The following POLE variants were observed in gnomAD, a reference collection of about 807,000 sequenced individuals.
The protein encoded by POLE is DNA polymerase epsilon catalytic subunit A.
POLE carries 188 observed loss-of-function variants against 279.2 expected under a neutral mutation model. The observed-to-expected ratio is 0.67, with a 90% CI of 0.60 to 0.76. The LOEUF (loss-of-function observed/expected upper bound fraction) is 0.76, where lower values mean the gene tolerates loss of function less well. Among genes scored for constraint, POLE ranks in the 30% least tolerant of loss-of-function variants. The pLI, the probability that POLE is intolerant of heterozygous loss-of-function variation, is 0.00. For synonymous variants in POLE, 1,214 were observed against 1,172.5 expected (o/e 1.04, Z -0.72); for missense variants, 2,703 against 3,016.7 (o/e 0.90, Z 2.44).
At chr12:132,649,196 A>G (rs2042358237) in intron 31 of POLE, 110 bp downstream of exon 31, 6 of 1,488,150 alleles carry the variant, frequency 4.0e-6, no homozygotes, top group Non-Finnish European at 5.5e-6. Flanking sequence ...TGGGCAGGAA[A>G]CTCCAGGCCC....
chr12:132,644,011 G>A (rs533295188), intron 32 of POLE, 34 bp from the exon 33 acceptor site: 1 of 1,602,590 alleles, frequency 6.2e-7, no homozygotes. Flanking sequence ...TCGTCACTGG[G>A]CGTAAGTGGT....
chr12:132,663,080 ACACAGT>A (rs1259516970), intron 23 of POLE, among the ~76,000 whole-genome samples: 4 of 152,220 alleles, frequency 2.6e-5, no homozygotes, highest in Non-Finnish European at 5.9e-5. Context: ...AGCAACGCTA[ACACAGT>A]GGGCAGAAGC....
chr12:132,665,573 T>A, intron 20 of POLE, 123 bp from the exon 21 acceptor site: 1 of 1,095,258 alleles, frequency 9.1e-7, no homozygotes, highest in Non-Finnish European at 1.3e-6. Flanking sequence ...AAAAAACCAG[T>A]ACAATGAAGA....
chr12:132,644,188 G>GTA (rs1475921948), intron 32 of POLE, among the ~76,000 whole-genome samples: 1 of 152,178 alleles, frequency 6.6e-6, no homozygotes, highest in Non-Finnish European at 1.5e-5. Flanking sequence ...TACAGACAGG[G>GTA]TCTTAGTCTG....
In POLE at chr12:132,632,499, G is replaced by C. The variant is rs1315503524; in HGVS notation, c.6146C>G (p.Thr2049Ser). Reference sequence around the variant, plus strand: ...ATTTGCGACATAATCCTGAGAGAAGGTGATCATTCCTGGAAGTATAAGGAT... The same window carrying C: ...ATTTGCGACATAATCCTGAGAGAAGCTGATCATTCCTGGAAGTATAAGGAT... ...GAVGALPGMI[T>S]FSQDYVANEL... The change falls in exon 45 of 49, where the codon ACC becomes AGC. Residue 2049 changes from threonine to serine, a missense_variant. By Grantham distance (58) the Thr-to-Ser change is moderately conservative (BLOSUM62 1). Coordinates refer to ENST00000320574, the MANE Select transcript of POLE (RefSeq NM_006231.4). 6.2e-7 allele frequency: 1 copy of C among 1,614,034 alleles called. No individual in the cohort carries two copies. Among genetic ancestry groups the C allele is most frequent in the Non-Finnish European group, 8.5e-7 (1 of 1,179,904 alleles).
intron 26 of POLE, 91 bp downstream of exon 26, chr12:132,659,204 G>T: frequency 1.5e-6 from 2 of 1,344,212 alleles, no homozygotes; most frequent in South Asian, 1.3e-5. Flanking sequence ...TCTGTGATGA[G>T]GGGAGCCCTC....
chr12:132,628,562 G>A (rs1199838299), intron 45 of POLE, among the ~76,000 whole-genome samples: 1 of 152,100 alleles, frequency 6.6e-6, no homozygotes, highest in East Asian at 1.9e-4. Flanking sequence ...AAAATCACTT[G>A]AACCCAGGAG....
Position 132,642,839 on chromosome 12 carries a change from C to A in POLE, c.4709G>T (p.Arg1570Leu), listed in dbSNP as rs1593731992. The A allele has an allele frequency of 6.2e-7, 1 of 1,614,046 alleles. No individual in the cohort carries two copies. Among genetic ancestry groups the A allele is most frequent in the Non-Finnish European group, 8.5e-7 (1 of 1,179,986 alleles). ...DLKTICRAIQ[R>L]FLLAYKEERR... ...TCTCACCTTGTAGGCGAGCAGGAATCGCTGGATGGCTCTGCAGATGGTCTT... is the reference window on the plus strand; with the variant it reads ...TCTCACCTTGTAGGCGAGCAGGAATAGCTGGATGGCTCTGCAGATGGTCTT... Residue 1570 changes from arginine (R) to leucine (L), a missense_variant, in exon 36 of 49, where the codon CGA becomes CTA. Arg to Leu is a moderately radical substitution (Grantham distance 102). Transcript: ENST00000320574.
chr12:132,638,281 G>T, intron 40 of POLE, 142 bp from the exon 41 acceptor site: 1 of 549,546 alleles, frequency 1.8e-6, no homozygotes, highest in Non-Finnish European at 2.8e-6. Flanking sequence ...AGAAGCTAAT[G>T]AAGAGCAAAG....
chr12:132,676,290 A>G, intron 9 of POLE, 86 bp from the exon 10 acceptor site: 1 of 898,248 alleles, frequency 1.1e-6, no homozygotes, highest in South Asian at 1.4e-5. Context: ...CACTCTGCCT[A>G]GAGATTCTCA....
intron 20 of POLE, among the ~76,000 whole-genome samples, chr12:132,666,932 CA>C (rs1341965197): frequency 6.6e-6 from 1 of 152,058 alleles, no homozygotes; most frequent in African/African-American, 2.4e-5. Context: ...TGCAGGATGC[CA>C]GGGGGCCGCA....
intron 23 of POLE, 89 bp downstream of exon 23, chr12:132,663,915 T>C: frequency 1.4e-6 from 2 of 1,411,882 alleles, no homozygotes; most frequent in African/African-American, 2.8e-5. Flanking sequence ...CAGGAAGGCA[T>C]GCACACTGTG....
At chr12:132,625,467 T>C (rs780950800) in intron 47 of POLE, 178 bp downstream of exon 47, 1 of 855,856 alleles carries the variant, frequency 1.2e-6, no homozygotes, top group Non-Finnish European at 2.0e-6. Flanking sequence ...AGGCAGGTGC[T>C]CAACCAGTGT....
intron 41 of POLE, 46 bp from the exon 42 acceptor site, chr12:132,636,070 G>A (rs762565158): frequency 1.6e-5 from 25 of 1,582,416 alleles, no homozygotes; most frequent in Non-Finnish European, 2.1e-5. Flanking sequence ...AATCGACCTT[G>A]TTCTCAACTT....
chr12:132,672,557 C>A, intron 15 of POLE, 70 bp downstream of exon 15: 10 of 1,488,136 alleles, frequency 6.7e-6, no homozygotes, highest in Non-Finnish European at 9.3e-6. Context: ...TTTATTTCAG[C>A]CCCTGCAGCT....
rs2042853761 is a variant in POLE at position 132,668,679 on chromosome 12, G to C, written c.1982C>G (p.Ala661Gly). 1 of 1,614,012 alleles carries C rather than the reference G, an allele frequency of 6.2e-7. No homozygotes were observed. Among genetic ancestry groups the C allele is most frequent in the Non-Finnish European group, 8.5e-7 (1 of 1,179,912 alleles). The part of the protein sequence containing the change: ...CAACDFNKPG[A>G]NCQRKMAWQW... ...CCAGGCCATCTTCCGCTGGCAGTTT[G>C]CTCCAGGCTTATTGAAGTCACAGGC... Residue 661 changes from alanine to glycine, a missense_variant, in exon 18 of 49, where the codon GCA (alanine) becomes GGA (glycine). Physicochemically the swap from Ala to Gly is moderately conservative, Grantham distance 60. Coordinates refer to ENST00000320574, the MANE Select transcript of POLE (RefSeq NM_006231.4). The surrounding 1 kb of genome is among the most constrained non-coding windows in gnomAD (Gnocchi z 4.0).
chr12:132,654,063 TA>T (rs1454852430), intron 29 of POLE, among the ~76,000 whole-genome samples: 2 of 152,372 alleles, frequency 1.3e-5, no homozygotes, highest in East Asian at 1.9e-4. Flanking sequence ...TGTATGTTGA[TA>T]TTTTTTCATC....
chr12:132,679,418 T>G, intron 6 of POLE, 79 bp downstream of exon 6: 1 of 1,402,846 alleles, frequency 7.1e-7, no homozygotes, highest in Non-Finnish European at 9.8e-7. Flanking sequence ...TAAGGTAACT[T>G]TGTTGCTACG....
intron 8 of POLE, 60 bp downstream of exon 8, chr12:132,677,303 A>C: frequency 8.4e-7 from 1 of 1,185,824 alleles, no homozygotes; most frequent in Non-Finnish European, 1.3e-6. Context: ...CCAGCACTGA[A>C]GAATATTCTC....
Sources: gnomAD v4.1 joint callset for allele counts (sites outside exome capture counted in the v4.1 genomes callset) on GRCh38, gnomAD v4.1.1 for gene constraint, Gnocchi (gnomAD v3.1) non-coding constraint, MANE v1.5 for transcripts, NCBI Gene and HGNC (gene_info 2026-07-23, HGNC 2026-07-21) for gene names.